Variants in CNTNAP2 observed in about 807,000 individuals in gnomAD.
The protein encoded by CNTNAP2 is contactin-associated protein-like 2.
In CNTNAP2, 98 loss-of-function variants were observed where a neutral mutation model predicts 155.2. The ratio of observed to expected loss-of-function variants is 0.63; its 90% confidence interval spans 0.54 to 0.75. The LOEUF (loss-of-function observed/expected upper bound fraction) is 0.75, where lower values mean the gene tolerates loss of function less well. CNTNAP2 is among the 30% of genes least tolerant of loss of function. The pLI is 0.00. For synonymous variants in CNTNAP2, 651 were observed against 631.2 expected, an observed-to-expected ratio of 1.03 and a Z score of -0.47; for missense variants, 1,727 against 1,688.1, an observed-to-expected ratio of 1.02 and a Z score of -0.40.
intron 11 of CNTNAP2, among the ~76,000 whole-genome samples, chr7:147,532,658 G>A (rs1012794557): frequency 6.6e-6 from 1 of 152,156 alleles, no homozygotes; most frequent in Non-Finnish European, 1.5e-5. Flanking sequence ...GGAAGAAAAA[G>A]GAAGTTTAAT....
At chr7:147,879,933 G>T (rs189322790) in intron 13 of CNTNAP2, among the ~76,000 whole-genome samples, 2 of 152,292 alleles carry the variant, frequency 1.3e-5, no homozygotes, top group African/African-American at 2.4e-5. Context: ...CCTTAGGTGG[G>T]TAATGACAGT....
chr7:148,131,084 C>CTT (rs1804821995), intron 16 of CNTNAP2, among the ~76,000 whole-genome samples: 1 of 124,940 alleles, frequency 8.0e-6, no homozygotes, highest in Non-Finnish European at 1.7e-5. Context: ...CTCTTTTCTT[C>CTT]TTCTTTTTTT....
chr7:146,760,185 G>T (rs1264477756), intron 1 of CNTNAP2, among the ~76,000 whole-genome samples: 1 of 151,932 alleles, frequency 6.6e-6, no homozygotes, highest in Non-Finnish European at 1.5e-5. Flanking sequence ...TAAGGTAAAT[G>T]AGCCCAAATC....
In CNTNAP2 at chr7:147,076,118, A is replaced by G. The variant is rs749248585; in HGVS notation, c.551-32029A>G. 1.5e-3 allele frequency among the ~76,000 whole-genome samples: 223 copies of G among 152,328 alleles called. 1 individual carries two copies. Among genetic ancestry groups the G allele is most frequent in the Non-Finnish European group, 2.5e-3 (172 of 68,032 alleles). ...CGTGTGCAAGTGTCTTTATAGCAGC[A>G]TGATTTATAATCCTTTGGGTATATA... is the stretch of plus-strand genomic sequence containing the variant. On this transcript the variant is annotated intron_variant, in intron 4 of 23. Coordinates refer to ENST00000361727, the MANE Select transcript of CNTNAP2 (RefSeq NM_014141.6).
intron 11 of CNTNAP2, among the ~76,000 whole-genome samples, chr7:147,552,642 A>G (rs535847968): frequency 5.9e-5 from 9 of 151,936 alleles, no homozygotes; most frequent in African/African-American, 2.2e-4. Flanking sequence ...CACTTCCAAG[A>G]GTCATTTCCT....
intron 13 of CNTNAP2, among the ~76,000 whole-genome samples, chr7:147,691,875 T>A (rs964415276): frequency 1.3e-5 from 2 of 152,066 alleles, no homozygotes; most frequent in Non-Finnish European, 2.9e-5. Context: ...TCATTATCAA[T>A]CCAACTCCAC....
At chr7:148,267,156 C>A (rs185435551) in intron 21 of CNTNAP2, 30 bp downstream of exon 21, 5 of 1,548,000 alleles carry the variant, frequency 3.2e-6, no homozygotes, top group Non-Finnish European at 4.5e-6. Flanking sequence ...GGTATAAATG[C>A]GTGCTACAAA....
At chr7:146,426,385 GTA>G (rs71794213) in intron 1 of CNTNAP2, among the ~76,000 whole-genome samples, 12,142 of 134,930 alleles carry the variant, frequency 0.09, 548 homozygotes, top group Middle Eastern at 0.12. Flanking sequence ...AAAACAAAAT[GTA>G]TATATATATA....
intron 3 of CNTNAP2, among the ~76,000 whole-genome samples, chr7:146,897,940 T>C (rs988701855): frequency 6.6e-6 from 1 of 152,092 alleles, no homozygotes; most frequent in Non-Finnish European, 1.5e-5. Flanking sequence ...TGTTTATATA[T>C]ATTTTTAATA....
intron 18 of CNTNAP2, among the ~76,000 whole-genome samples, chr7:148,214,885 T>C (rs1795610500): frequency 3.3e-5 from 5 of 152,180 alleles, no homozygotes. Flanking sequence ...AATTCTTAAT[T>C]GCATAAGACA....
chr7:147,662,586 A>G (rs1795629094), intron 13 of CNTNAP2, among the ~76,000 whole-genome samples: 2 of 152,228 alleles, frequency 1.3e-5, no homozygotes, highest in Non-Finnish European at 2.9e-5. Flanking sequence ...AGCAGATGGT[A>G]TTCTTGTATG....
intron 15 of CNTNAP2, among the ~76,000 whole-genome samples, chr7:148,088,215 A>T (rs1803772292): frequency 6.6e-6 from 1 of 152,046 alleles, no homozygotes; most frequent in African/African-American, 2.4e-5. Context: ...ACCTTCATTG[A>T]TATTTCTTTA....
chr7:147,705,855 A>T (rs1796305910), intron 13 of CNTNAP2, among the ~76,000 whole-genome samples: 1 of 152,074 alleles, frequency 6.6e-6, no homozygotes, highest in Admixed American at 6.6e-5. Context: ...GTGTTTTCTC[A>T]TACAAGTTTA....
At chr7:148,285,559 T>G (rs1180926515) in intron 21 of CNTNAP2, among the ~76,000 whole-genome samples, 1 of 152,252 alleles carries the variant, frequency 6.6e-6, no homozygotes, top group Non-Finnish European at 1.5e-5. Context: ...GCCTTCCAAG[T>G]GTGAAACACC....
intron 1 of CNTNAP2, among the ~76,000 whole-genome samples, chr7:146,432,142 A>G (rs181406229): frequency 3.3e-5 from 5 of 152,256 alleles, no homozygotes; most frequent in South Asian, 2.1e-4. Context: ...CAAAAAGTCA[A>G]ACTCAGATGA....
intron 5 of CNTNAP2, 98 bp downstream of exon 5, chr7:147,108,448 G>A (rs922691185): frequency 4.8e-6 from 5 of 1,049,892 alleles, no homozygotes; most frequent in Non-Finnish European, 6.8e-6. Flanking sequence ...ATTATAAAAA[G>A]AGCTCATGTT....
Position 146,246,432 on chromosome 7 carries a change from T to TTG in CNTNAP2, c.97+129459_97+129460insTG, listed in dbSNP as rs533705131. Among the ~76,000 whole-genome samples, 7 of 148,796 alleles carry TTG rather than the reference T, an allele frequency of 4.7e-5. 1 individual carries two copies. In the South Asian group the frequency reaches 8.4e-4, roughly 18 times the overall value. Reference sequence around the variant, plus strand: ...AGTATTGTCTAAGTTGGCATGAGAGTGGGGGTTTTAAGAGGTTTAGAAGCC... The same window carrying TTG: ...AGTATTGTCTAAGTTGGCATGAGAGTTGGGGGGTTTTAAGAGGTTTAGAAGCC... On this transcript the variant is annotated intron_variant, in intron 1 of 23. Transcript: ENST00000361727.
intron 3 of CNTNAP2, among the ~76,000 whole-genome samples, chr7:146,927,139 T>A (rs1796624883): frequency 6.6e-6 from 1 of 152,168 alleles, no homozygotes. Flanking sequence ...AAACTTTAAT[T>A]TTCTAAATCT....
intron 13 of CNTNAP2, among the ~76,000 whole-genome samples, chr7:147,662,956 G>A (rs576694953): frequency 2.0e-5 from 3 of 152,216 alleles, no homozygotes; most frequent in South Asian, 2.1e-4. Flanking sequence ...GTTTTAGAGC[G>A]TGATTTTTTT....
Sources: allele counts gnomAD v4.1 joint callset (sites outside exome capture counted in the v4.1 genomes callset), GRCh38; gene constraint gnomAD v4.1.1; transcripts MANE v1.5; gene names NCBI Gene and HGNC (gene_info 2026-07-23, HGNC 2026-07-21).